SCIN: variants seen among roughly 807,000 people sequenced by gnomAD.
SCIN encodes scinderin.
In SCIN, 91 loss-of-function variants were observed where a neutral mutation model predicts 91.8. That is an observed-to-expected ratio of 0.99 (90% CI 0.84 to 1.18). SCIN has a LOEUF of 1.18. Among genes scored for constraint, SCIN ranks in the 50% most tolerant of loss-of-function variants. SCIN has a pLI of 0.00. For synonymous variants in SCIN, 367 were observed against 312.6 expected (o/e 1.17, Z -1.84); for missense variants, 1,087 against 863.9 (o/e 1.26, Z -3.24).
Position 12,658,129 on chromosome 7 carries a change from A to T in SCIN, c.*5414A>T, listed in dbSNP as rs1362047812. 2 of 152,236 alleles carry T rather than the reference A, an allele frequency of 1.3e-5. No individual in the cohort carries two copies. The highest frequency in any genetic ancestry group is 2.9e-5 in the Non-Finnish European group (2 of 68,054). 9.4% of individuals were successfully genotyped at this position (152,236 alleles called of 1,614,324 possible). On this transcript the variant is annotated 3_prime_UTR_variant, in exon 16 of 16. Coordinates refer to ENST00000297029, the MANE Select transcript of SCIN (RefSeq NM_001112706.3). ...CAATCTAAGGTTTTAATAATTCATG[A>T]AATAAAACTAATGTTGATGTTATCC...
At chr7:12,644,774 G>A in intron 13 of SCIN, 69 bp downstream of exon 13, 5 of 1,480,018 alleles carry the variant, frequency 3.4e-6, no homozygotes, top group Admixed American at 2.0e-5. Flanking sequence ...CCAGCACTTT[G>A]GGAGGCCGAG....
intron 3 of SCIN, among the ~76,000 whole-genome samples, chr7:12,588,526 A>G (rs1052715419): frequency 1.3e-5 from 2 of 152,072 alleles, no homozygotes; most frequent in African/African-American, 4.8e-5. Context: ...GCTTCACCAC[A>G]GTCAAAGGAG....
At chr7:12,612,621 C>A (rs1783217390) in intron 4 of SCIN, among the ~76,000 whole-genome samples, 1 of 152,110 alleles carries the variant, frequency 6.6e-6, no homozygotes, top group South Asian at 2.1e-4. Flanking sequence ...CTATTTAGAT[C>A]TACCATGTAT....
intron 2 of SCIN, 85 bp downstream of exon 2, chr7:12,578,303 T>C: frequency 7.8e-7 from 1 of 1,276,972 alleles, no homozygotes; most frequent in Non-Finnish European, 1.0e-6. Flanking sequence ...TGACAGTTCG[T>C]TGAGGGCAGG....
Position 12,652,646 on chromosome 7 carries a change from C to A in SCIN, c.2079C>A (p.Ile693=), listed in dbSNP as rs968782725. The change falls in exon 16 of 16, where the codon ATC becomes ATA. Residue 693 remains isoleucine, a synonymous_variant. Transcript: ENST00000297029. ...SGRDKRTPIV[I]IKQGHEPPTF... ...GAGACAAGAGGACACCAATTGTCAT[C>A]ATAAAACAGGGCCATGAGCCACCCA... 7.4e-6 allele frequency: 12 copies of A among 1,611,528 alleles called. No individual in the cohort carries two copies. The highest frequency in any genetic ancestry group is 1.0e-5 in the Non-Finnish European group (12 of 1,179,220).
At chr7:12,625,945 C>A in intron 7 of SCIN, 95 bp downstream of exon 7, 1 of 769,672 alleles carries the variant, frequency 1.3e-6, no homozygotes, top group Non-Finnish European at 2.1e-6. Context: ...GTCAAAGTAA[C>A]GTCTGTATGT....
At chr7:12,616,209 G>T (rs1298670987) in intron 4 of SCIN, among the ~76,000 whole-genome samples, 7 of 152,108 alleles carry the variant, frequency 4.6e-5, no homozygotes, top group Admixed American at 4.6e-4. Context: ...AGACACTGTA[G>T]TGAAGCCCCA....
chr7:12,596,308 T>C, intron 3 of SCIN: 1 of 454,990 alleles, frequency 2.2e-6, no homozygotes, highest in South Asian at 1.6e-5. Context: ...CCATGTTGTC[T>C]CATCTTGCAC....
intron 3 of SCIN, among the ~76,000 whole-genome samples, chr7:12,600,083 G>T (rs1319067688): frequency 1.3e-5 from 2 of 152,094 alleles, no homozygotes; most frequent in East Asian, 1.9e-4. Flanking sequence ...TGAAGTCTTT[G>T]CTTAAGCCAA....
intron 7 of SCIN, chr7:12,626,173 T>G (rs1240737195): frequency 3.1e-6 from 1 of 321,088 alleles, no homozygotes; most frequent in Non-Finnish European, 5.7e-6. Flanking sequence ...AGACTTGGCC[T>G]GAAACCCAGA....
chr7:12,578,335 T>A, intron 2 of SCIN, 117 bp downstream of exon 2: 3 of 872,712 alleles, frequency 3.4e-6, no homozygotes, highest in Non-Finnish European at 3.3e-6. Flanking sequence ...TATTTGCTTT[T>A]GTTTTAATCT....
intron 9 of SCIN, among the ~76,000 whole-genome samples, 198 bp from the exon 10 acceptor site, chr7:12,635,847 T>C (rs1483973354): frequency 1.3e-5 from 2 of 152,058 alleles, no homozygotes; most frequent in Non-Finnish European, 2.9e-5. Flanking sequence ...ATGCCTACCA[T>C]ATACAGTTCT....
chr7:12,650,177 G>C (rs1355017427), intron 14 of SCIN, among the ~76,000 whole-genome samples: 1 of 152,150 alleles, frequency 6.6e-6, no homozygotes, highest in Non-Finnish European at 1.5e-5. Flanking sequence ...GTAGAGTCAA[G>C]CACAGAGATT....
intron 4 of SCIN, among the ~76,000 whole-genome samples, chr7:12,609,985 G>T (rs920839443): frequency 6.6e-6 from 1 of 152,154 alleles, no homozygotes; most frequent in Admixed American, 6.5e-5. Flanking sequence ...TTATTGTCTG[G>T]TTGAGGAGAT....
chr7:12,583,736 T>C (rs922501893), intron 3 of SCIN, among the ~76,000 whole-genome samples: 2 of 152,156 alleles, frequency 1.3e-5, no homozygotes, highest in Non-Finnish European at 2.9e-5. Context: ...TTGTGCCGTA[T>C]ACTCTCTTCC....
At chr7:12,644,728 C>T (rs764857518) in intron 13 of SCIN, 23 bp downstream of exon 13, 59 of 1,548,216 alleles carry the variant, frequency 3.8e-5, no homozygotes, top group South Asian at 3.3e-4. Context: ...AAAAATAGTG[C>T]GATAGGGCTG....
At chr7:12,611,104 GAACTGTTGGGGCCACC>G (rs954627924) in intron 4 of SCIN, 10 of 152,188 alleles carry the variant, frequency 6.6e-5, no homozygotes, top group African/African-American at 2.4e-4. Context: ...GCCTCTTTGG[GAACTGTTGGGGCCACC>G]ACTGCTCACT....
At chr7:12,639,093 G>A (rs62448333) in intron 10 of SCIN, among the ~76,000 whole-genome samples, 4 of 152,050 alleles carry the variant, frequency 2.6e-5, no homozygotes, top group East Asian at 3.9e-4. Context: ...AAAGTATTGC[G>A]GTTTTCAACG....
chr7:12,617,905 G>T, intron 4 of SCIN, among the ~76,000 whole-genome samples: 1 of 152,156 alleles, frequency 6.6e-6, no homozygotes, highest in East Asian at 1.9e-4. Flanking sequence ...TAATAAGTTG[G>T]CATTCTGGCT....
Sources: allele counts gnomAD v4.1 joint callset (sites outside exome capture counted in the v4.1 genomes callset), GRCh38; gene constraint gnomAD v4.1.1; transcripts MANE v1.5; gene names NCBI Gene and HGNC (gene_info 2026-07-23, HGNC 2026-07-21).